The following TCF20 variants were observed in gnomAD, a reference collection of about 807,000 sequenced individuals.
The protein encoded by TCF20 is transcription factor 20, also known as SPRE-binding protein.
In TCF20, 3 loss-of-function variants were observed where a neutral mutation model predicts 148.6. The ratio of observed to expected loss-of-function variants is 0.02; its 90% CI spans 0.01 to 0.05. TCF20 has a LOEUF of 0.05. TCF20 is among the 10% of genes least tolerant of loss of function. The pLI is 1.00. For missense variants in TCF20, 2,350 were observed against 2,429.3 expected (o/e 0.97, Z 0.69); for synonymous variants, 1,049 against 909.5 (o/e 1.15, Z -2.76).
chr22:42,260,467 A>G (rs1195277936), intron 1 of TCF20, among the ~76,000 whole-genome samples: 2 of 152,214 alleles, frequency 1.3e-5, no homozygotes, highest in African/African-American at 4.8e-5. Context: ...TAGGAAAAAC[A>G]GGAAACTAAT....
At chr22:42,206,488 A>G (rs547621282) in intron 2 of TCF20, among the ~76,000 whole-genome samples, 1 of 135,972 alleles carries the variant, frequency 7.4e-6, no homozygotes, top group Non-Finnish European at 1.5e-5. Flanking sequence ...CTTTGACAAG[A>G]GGATGATTAA....
intron 2 of TCF20, among the ~76,000 whole-genome samples, chr22:42,180,412 ATC>A (rs1395266159): frequency 2.6e-5 from 4 of 152,170 alleles, no homozygotes; most frequent in Non-Finnish European, 5.9e-5. Context: ...AGTGGGGCAC[ATC>A]TCTGTCAGCC....
rs751977209 is a variant in TCF20, at chr22:42,214,445, T to C, written c.861A>G (p.Gln287=). The change falls in exon 2 of 6, where the codon CAA becomes CAG. Residue 287 remains glutamine (Q), a synonymous_variant. Coordinates refer to ENST00000677622, the MANE Select transcript of TCF20 (RefSeq NM_001378418.1). ...VGSNAQAYGT[Q]SNYSYQPQSM... is the part of the protein sequence containing the mutation. ...ATTGAGGCTGATAGCTGTAATTGGA[T>C]TGTGTTCCATAAGCCTGTGCATTAG... The C allele has an allele frequency of 1.2e-6, 2 of 1,614,166 alleles. No homozygotes were observed. The highest frequency in any genetic ancestry group is 3.3e-5 in the Admixed American group (2 of 60,022).
chr22:42,192,280 A>G (rs1375948629), intron 2 of TCF20, among the ~76,000 whole-genome samples: 1 of 152,206 alleles, frequency 6.6e-6, no homozygotes, highest in Admixed American at 6.5e-5. Context: ...TCCCTTAACA[A>G]GATTTCAAAT....
At chr22:42,231,716 T>G (rs140921878) in intron 1 of TCF20, among the ~76,000 whole-genome samples, 167 of 151,954 alleles carry the variant, frequency 1.1e-3, no homozygotes, top group African/African-American at 3.9e-3. Context: ...GATCACAAGG[T>G]CAGCAGATCA....
intron 1 of TCF20, among the ~76,000 whole-genome samples, chr22:42,255,397 G>A (rs1209312677): frequency 1.3e-5 from 2 of 152,028 alleles, no homozygotes; most frequent in Admixed American, 6.6e-5. Context: ...GCTAAGGCAG[G>A]GGCATCACTT....
intron 2 of TCF20, among the ~76,000 whole-genome samples, chr22:42,203,987 G>A (rs933414749): frequency 6.6e-6 from 1 of 152,178 alleles, no homozygotes; most frequent in Admixed American, 6.5e-5. Flanking sequence ...TAGACTGGTG[G>A]CTCTATTTTA....
upstream of TCF20, among the ~76,000 whole-genome samples, chr22:42,273,647 C>A (rs199537847): frequency 2.2e-3 from 323 of 149,546 alleles, 3 homozygotes; most frequent in South Asian, 0.024. Flanking sequence ...AAAAAAAAAA[C>A]AAACAAAAAA....
Position 42,212,181 on chromosome 22 carries a change from C to G in TCF20, c.3125G>C (p.Arg1042Thr), listed in dbSNP as rs1921017827. ...AGTGTGTAAAGAACTCCGGTTAGCC[C>G]TCTCTGAAAAGGTCATGTGTGGATT... The part of the protein sequence containing the change: ...HMNPHMTFSE[R>T]ANRSSLHTPF... Residue 1042 changes from arginine to threonine, a missense_variant, in exon 2 of 6, where the codon AGG (arginine) becomes ACG (threonine). By Grantham distance (71) the Arg-to-Thr change is moderately conservative (BLOSUM62 -1). Coordinates refer to ENST00000677622, the MANE Select transcript of TCF20 (RefSeq NM_001378418.1). 10 of 1,614,210 alleles carry G rather than the reference C, an allele frequency of 6.2e-6. No individual in the cohort carries two copies. Among genetic ancestry groups the G allele is most frequent in the Middle Eastern group, 1.6e-4 (1 of 6,062 alleles).
intron 2 of TCF20, among the ~76,000 whole-genome samples, chr22:42,202,554 G>A (rs1938107929): frequency 6.6e-6 from 1 of 152,200 alleles, no homozygotes; most frequent in Non-Finnish European, 1.5e-5. Context: ...GAGGAGAACG[G>A]CAAAAGCCAG....
intron 1 of TCF20, among the ~76,000 whole-genome samples, chr22:42,242,224 A>AAAACAAAC (rs1257094788): frequency 4.1e-5 from 6 of 147,578 alleles, no homozygotes; most frequent in African/African-American, 1.6e-4. Flanking sequence ...AAAAAAAAAA[A>AAAACAAAC]AAACAGAAAA....
Position 42,211,277 on chromosome 22 carries a change from G to A in TCF20, c.4029C>T (p.Pro1343=), listed in dbSNP as rs927455671. The A allele has an allele frequency of 6.2e-7, 1 of 1,614,118 alleles. No homozygotes were observed. The highest frequency in any genetic ancestry group is 8.5e-7 in the Non-Finnish European group (1 of 1,180,020). ...ATTTCAATCCCCGTCCTTTCCGTGGGGGCAGTATTTTGGTCTTAGCAGGGC... is the reference window on the plus strand; with the variant it reads ...ATTTCAATCCCCGTCCTTTCCGTGGAGGCAGTATTTTGGTCTTAGCAGGGC... ...LTSPAKTKIL[P]PRKGRGLKLE... is the part of the protein sequence containing the mutation. The change falls in exon 2 of 6, where the codon CCC becomes CCT. Residue 1343 remains proline (P), a synonymous_variant. Coordinates refer to ENST00000677622, the MANE Select transcript of TCF20 (RefSeq NM_001378418.1).
At chr22:42,270,726 G>A (rs914895539), upstream of TCF20, among the ~76,000 whole-genome samples, 1 of 143,472 alleles carries the variant, frequency 7.0e-6, no homozygotes, top group Non-Finnish European at 1.5e-5. Flanking sequence ...GGGAGGGCGC[G>A]CGGCGGGGCG....
chr22:42,179,708 AG>A lies in TCF20; in HGVS notation c.5656-7del. 6.2e-7 allele frequency: 1 copy of A among 1,609,996 alleles called. No homozygotes were observed. The highest frequency in any genetic ancestry group is 8.5e-7 in the Non-Finnish European group (1 of 1,176,382). The stretch of plus-strand genomic sequence containing the variant: ...TCCTGGCAGTGGGAACATTTCTGAA[AG>A]GAAGGGAAAAGTCAGGCATGTCAGT... On this transcript the variant is annotated splice_region_variant and splice_polypyrimidine_tract_variant and intron_variant, in intron 2 of 5. Transcript: ENST00000677622.
At chr22:42,167,889 ATTTTTTTTT>A (rs75936403) in intron 5 of TCF20, among the ~76,000 whole-genome samples, 1 of 140,462 alleles carries the variant, frequency 7.1e-6, no homozygotes, top group Non-Finnish European at 1.6e-5. Flanking sequence ...CGCACGGCTA[ATTTTTTTTT>A]TTTTTTTTAA....
intron 5 of TCF20, among the ~76,000 whole-genome samples, chr22:42,161,876 C>A (rs1935482158): frequency 6.6e-6 from 1 of 151,994 alleles, no homozygotes; most frequent in Admixed American, 6.6e-5. Flanking sequence ...TGGCTCCCTG[C>A]AGCCTTGACC....
chr22:42,231,140 C>T (rs563618846), intron 1 of TCF20, among the ~76,000 whole-genome samples: 13 of 151,966 alleles, frequency 8.6e-5, no homozygotes, highest in South Asian at 6.2e-4. Context: ...CCAACCTGGG[C>T]GACACAGCAA....
At chr22:42,209,604 C>A in intron 2 of TCF20, 47 bp downstream of exon 2, 1 of 1,534,138 alleles carries the variant, frequency 6.5e-7, no homozygotes, top group South Asian at 1.3e-5. Context: ...GAAAAGGAAC[C>A]AAATGAAATA....
At chr22:42,236,720 CA>C (rs1410721239) in intron 1 of TCF20, among the ~76,000 whole-genome samples, 1 of 152,186 alleles carries the variant, frequency 6.6e-6, no homozygotes, top group Non-Finnish European at 1.5e-5. Context: ...AAATCAGCCA[CA>C]AGCATAACAT....
Sources: allele counts gnomAD v4.1 joint callset (sites outside exome capture counted in the v4.1 genomes callset), GRCh38; gene constraint gnomAD v4.1.1; transcripts MANE v1.5; gene names NCBI Gene and HGNC (gene_info 2026-07-23, HGNC 2026-07-21).